Variants in PPARA observed in about 807,000 individuals in gnomAD.
PPARA encodes peroxisome proliferator activated receptor alpha, also known as peroxisome proliferator-activated receptor alpha.
Under a neutral mutation model 42.2 loss-of-function variants are expected in PPARA, and 22 were observed. That is an observed-to-expected ratio of 0.52 (90% confidence interval 0.37 to 0.74). PPARA has a LOEUF of 0.74. PPARA is among the 30% of genes least tolerant of loss of function. PPARA has a pLI of 0.00. For synonymous variants in PPARA, 242 were observed against 239.3 expected (o/e 1.01, Z -0.10); for missense variants, 465 against 608.2 (o/e 0.76, Z 2.48).
chr22:46,204,025 C>G lies in PPARA; in HGVS notation c.208+5434C>G, dbSNP rs190494504. Among the ~76,000 whole-genome samples the G allele has an allele frequency of 5.5e-3, 834 of 152,336 alleles. 4 individuals carry two copies. The highest frequency in any genetic ancestry group is 8.6e-3 in the Non-Finnish European group (588 of 68,030). On this transcript the variant is annotated intron_variant, in intron 4 of 8. Transcript: ENST00000407236. The surrounding 1 kb of genome is among the most constrained non-coding windows in gnomAD (Gnocchi z 5.2). Reference sequence around the variant, plus strand: ...TCCCCAGCCCCGTGCCTCCCTGCCTCCCTCCCCCAGTAAACCATGAATCCA... The same window carrying G: ...TCCCCAGCCCCGTGCCTCCCTGCCTGCCTCCCCCAGTAAACCATGAATCCA...
rs1926370578 is a variant in PPARA at position 46,162,626 on chromosome 22, G to A, written c.-127+10656G>A. Among the ~76,000 whole-genome samples the A allele has an allele frequency of 6.6e-6, 1 of 152,166 alleles. No individual in the cohort carries two copies. The highest frequency in any genetic ancestry group is 2.1e-4 in the South Asian group (1 of 4,832). On this transcript the variant is annotated intron_variant, in intron 2 of 8. Transcript: ENST00000407236. This position sits in a 1 kb window ranked among gnomAD's most constrained non-coding sequence, Gnocchi z 6.0. ...AGTGGCTCTCCCTGAGACCCCGTGA[G>A]GCCAGAGTCCTTGGCTCATCACTCA...
rs966826788 is a variant in PPARA at position 46,222,636 on chromosome 22, G to T, written c.711+2622G>T. 1.3e-5 allele frequency among the ~76,000 whole-genome samples: 2 copies of T among 152,140 alleles called. No homozygotes were observed. The highest frequency in any genetic ancestry group is 2.9e-5 in the Non-Finnish European group (2 of 68,030). On this transcript the variant is annotated intron_variant, in intron 7 of 8. Transcript: ENST00000407236. This position sits in a 1 kb window ranked among gnomAD's most constrained non-coding sequence, Gnocchi z 5.9. Reference sequence around the variant, plus strand: ...GAAAGAAAAGGTAACTTTTAGCTTCGAGTCTCTATCCTGGATATGATTAGT... The same window carrying T: ...GAAAGAAAAGGTAACTTTTAGCTTCTAGTCTCTATCCTGGATATGATTAGT...
At position 46,163,120 on chromosome 22, in the gene PPARA, C is replaced by T. The variant is rs9306500; in HGVS notation, c.-127+11150C>T. On this transcript the variant is annotated intron_variant, in intron 2 of 8. Coordinates refer to ENST00000407236, the MANE Select transcript of PPARA (RefSeq NM_005036.6). The surrounding 1 kb of genome is among the most constrained non-coding windows in gnomAD (Gnocchi z 4.9). ...AGCGGGGACAGAGGGTCACGGAGGT[C>T]GCAGGGGCGTGTGTGCAGCACCTGC... 6.6e-6 allele frequency among the ~76,000 whole-genome samples: 1 copy of T among 152,070 alleles called. No individual in the cohort carries two copies. The highest frequency in any genetic ancestry group is 1.5e-5 in the Non-Finnish European group (1 of 68,008).
intron 2 of PPARA, among the ~76,000 whole-genome samples, chr22:46,166,625 A>AC (rs956010117): frequency 3.4e-4 from 51 of 152,140 alleles, no homozygotes; most frequent in Non-Finnish European, 6.0e-4. Flanking sequence ...TCTCAAAAAA[A>AC]AAAAAACAAA....
chr22:46,179,149 A>G (rs1032342320), intron 3 of PPARA, among the ~76,000 whole-genome samples: 1 of 152,158 alleles, frequency 6.6e-6, no homozygotes, highest in African/African-American at 2.4e-5. Context: ...TTATAATCCT[A>G]ATTACCTCCC....
intron 4 of PPARA, among the ~76,000 whole-genome samples, chr22:46,201,159 C>G (rs563444728): frequency 6.6e-6 from 1 of 151,762 alleles, no homozygotes; most frequent in South Asian, 2.1e-4. Flanking sequence ...TAACCTGCCA[C>G]GGTTCATACA....
chr22:46,158,900 G>T (rs1303113524), intron 2 of PPARA, among the ~76,000 whole-genome samples: 6 of 151,980 alleles, frequency 3.9e-5, no homozygotes, highest in Non-Finnish European at 1.5e-5. Flanking sequence ...TTTTTGTCGG[G>T]GGTGTTGAGG....
intron 7 of PPARA, chr22:46,220,269 A>T (rs1934894912): frequency 7.8e-6 from 4 of 512,892 alleles, no homozygotes; most frequent in African/African-American, 3.9e-5. Flanking sequence ...TAATACACTT[A>T]AAAAAAACCT....
At chr22:46,153,458 C>A (rs1048426202) in intron 2 of PPARA, among the ~76,000 whole-genome samples, 1 of 152,092 alleles carries the variant, frequency 6.6e-6, no homozygotes, top group Non-Finnish European at 1.5e-5. Flanking sequence ...TGCGAGCCAC[C>A]GCGCCGGGCC....
chr22:46,189,084 T>C (rs1931203816), intron 3 of PPARA, among the ~76,000 whole-genome samples: 1 of 152,252 alleles, frequency 6.6e-6, no homozygotes, highest in Non-Finnish European at 1.5e-5. Flanking sequence ...GAGTGGTGAA[T>C]ACAAATTTCA....
At position 46,204,202 on chromosome 22, in the gene PPARA, A is replaced by G. The variant is rs1306306100; in HGVS notation, c.208+5611A>G. ...AGCAAGCATCAATAGTTCATTCTTC[A>G]TCCATCATGTGGACATAGCACAGTT... is the stretch of plus-strand genomic sequence containing the variant. On this transcript the variant is annotated intron_variant, in intron 4 of 8. Transcript: ENST00000407236. This position sits in a 1 kb window ranked among gnomAD's most constrained non-coding sequence, Gnocchi z 5.2. Among the ~76,000 whole-genome samples the G allele has an allele frequency of 1.3e-5, 2 of 152,260 alleles. No homozygotes were observed. Among genetic ancestry groups the G allele is most frequent in the Non-Finnish European group, 2.9e-5 (2 of 68,046 alleles).
chr22:46,201,334 C>T (rs778460228), intron 4 of PPARA, among the ~76,000 whole-genome samples: 1 of 152,026 alleles, frequency 6.6e-6, no homozygotes, highest in Non-Finnish European at 1.5e-5. Context: ...CTCTGGGGGG[C>T]CTTTGTGACC....
intron 3 of PPARA, among the ~76,000 whole-genome samples, chr22:46,185,062 T>C (rs1930477401): frequency 6.6e-6 from 1 of 152,152 alleles, no homozygotes; most frequent in Non-Finnish European, 1.5e-5. Context: ...TGAGAAGTTA[T>C]CCTGAACGTA....
intron 4 of PPARA, among the ~76,000 whole-genome samples, chr22:46,213,026 G>C (rs1031876027): frequency 2.6e-5 from 4 of 152,158 alleles, no homozygotes; most frequent in Non-Finnish European, 5.9e-5. Context: ...CTGTATACAT[G>C]TGTAGGTTTT....
At chr22:46,229,780 T>G (rs755081067) in intron 7 of PPARA, among the ~76,000 whole-genome samples, 15 of 152,224 alleles carry the variant, frequency 9.9e-5, no homozygotes, top group Non-Finnish European at 1.3e-4. Flanking sequence ...TTCACTCATT[T>G]GTGAGTAATT....
chr22:46,227,685 G>A lies in PPARA; in HGVS notation c.712-4107G>A, dbSNP rs1417644801. Among the ~76,000 whole-genome samples, 4 of 152,188 alleles carry A rather than the reference G, an allele frequency of 2.6e-5. No homozygotes were observed. Among genetic ancestry groups the A allele is most frequent in the Admixed American group, 1.3e-4 (2 of 15,272 alleles). On this transcript the variant is annotated intron_variant, in intron 7 of 8. Coordinates refer to ENST00000407236, the MANE Select transcript of PPARA (RefSeq NM_005036.6). The surrounding 1 kb of genome is among the most constrained non-coding windows in gnomAD (Gnocchi z 4.3). ...GCAGCAAGCGGGGCGTTCTGCTCTCGGCATGGAGTGATTGGGGAAAATCTA... is the reference window on the plus strand; with the variant it reads ...GCAGCAAGCGGGGCGTTCTGCTCTCAGCATGGAGTGATTGGGGAAAATCTA...
intron 4 of PPARA, among the ~76,000 whole-genome samples, chr22:46,202,940 A>G (rs1932917000): frequency 1.3e-5 from 2 of 152,090 alleles, no homozygotes; most frequent in Admixed American, 1.3e-4. Flanking sequence ...ACCAATTCCA[A>G]GGAACTTTAT....
intron 3 of PPARA, among the ~76,000 whole-genome samples, chr22:46,178,783 T>C (rs915241488): frequency 2.0e-5 from 3 of 152,108 alleles, no homozygotes; most frequent in Non-Finnish European, 4.4e-5. Flanking sequence ...TGTGAGTGTT[T>C]GTTAGGAGAG....
rs1936416229 is a variant in PPARA at position 46,242,949 on chromosome 22, T to C, written c.*7569T>C. On this transcript the variant is annotated 3_prime_UTR_variant, in exon 9 of 9. Transcript: ENST00000407236. The surrounding 1 kb of genome is among the most constrained non-coding windows in gnomAD (Gnocchi z 6.1). ...TGTTTCGCTAAAGACCCTTCACTAT[T>C]CTTGTTTAGTAAATAGCTGTCTGCT... is the stretch of plus-strand genomic sequence containing the variant. 6.6e-6 allele frequency: 1 copy of C among 152,656 alleles called. No individual in the cohort carries two copies. Among genetic ancestry groups the C allele is most frequent in the Non-Finnish European group, 1.5e-5 (1 of 68,056 alleles). 9.5% of individuals were successfully genotyped at this position (152,656 alleles called of 1,614,324 possible).
Sources: gnomAD v4.1 joint callset for allele counts (sites outside exome capture counted in the v4.1 genomes callset) on GRCh38, gnomAD v4.1.1 for gene constraint, Gnocchi (gnomAD v3.1) non-coding constraint, MANE v1.5 for transcripts, NCBI Gene and HGNC (gene_info 2026-07-23, HGNC 2026-07-21) for gene names.